Variants in NRXN3 observed in about 807,000 individuals in gnomAD.
The protein encoded by NRXN3 is neurexin III.
A neutral mutation model predicts 137.6 loss-of-function variants in NRXN3; 32 were observed. That is an observed-to-expected ratio of 0.23 (90% CI 0.18 to 0.31). The LOEUF (loss-of-function observed/expected upper bound fraction) is 0.31, where lower values mean the gene tolerates loss of function less well. NRXN3 is among the 10% of genes least tolerant of loss of function. NRXN3 has a pLI of 1.00. For synonymous variants in NRXN3, 798 were observed against 784.5 expected (o/e 1.02, Z -0.29); for missense variants, 1,574 against 2,062.5 (o/e 0.76, Z 4.59).
chr14:79,015,716 G>A (rs1270704637), intron 15 of NRXN3, among the ~76,000 whole-genome samples: 2 of 152,184 alleles, frequency 1.3e-5, no homozygotes, highest in Non-Finnish European at 2.9e-5. Flanking sequence ...GAAAGACCCT[G>A]TCTTCTACCC....
intron 8 of NRXN3, among the ~76,000 whole-genome samples, chr14:78,756,958 C>T (rs921888774): frequency 2.6e-5 from 4 of 152,214 alleles, no homozygotes; most frequent in African/African-American, 9.6e-5. Flanking sequence ...CTCTACTCAG[C>T]TGATGACTGT....
At chr14:79,273,193 A>T (rs1363856121) in intron 15 of NRXN3, among the ~76,000 whole-genome samples, 57 of 150,548 alleles carry the variant, frequency 3.8e-4, no homozygotes, top group African/African-American at 1.3e-3. Context: ...AAAAAAAAAA[A>T]AAAAAAATGG....
At chr14:78,649,070 T>C (rs984560339) in intron 5 of NRXN3, among the ~76,000 whole-genome samples, 2 of 152,196 alleles carry the variant, frequency 1.3e-5, no homozygotes, top group African/African-American at 4.8e-5. Context: ...GGTCTCATTG[T>C]CTTCCCCCCA....
chr14:79,038,647 T>C (rs1473509443), intron 15 of NRXN3, among the ~76,000 whole-genome samples: 1 of 152,168 alleles, frequency 6.6e-6, no homozygotes, highest in Non-Finnish European at 1.5e-5. Flanking sequence ...TTTTTCTTGT[T>C]GGGCATGAAT....
rs571232477 is a variant in NRXN3 at position 79,532,056 on chromosome 14, G to A, written c.3444+64654G>A. Among the ~76,000 whole-genome samples the A allele has an allele frequency of 1.1e-3, 171 of 152,244 alleles. 1 individual carries two copies. Among genetic ancestry groups the A allele is most frequent in the African/African-American group, 3.6e-3 (149 of 41,542 alleles). On this transcript the variant is annotated intron_variant, in intron 16 of 20. Coordinates refer to ENST00000335750, the MANE Select transcript of NRXN3 (RefSeq NM_001330195.2). ...AAAGTGTCATTTCTGGGCTGAGGCA[G>A]TTTATAGTCATTTGCACCTTTTCTA...
chr14:78,183,216 C>G lies in NRXN3; in HGVS notation c.-704+12542C>G, dbSNP rs534728610. 1.6e-4 allele frequency among the ~76,000 whole-genome samples: 24 copies of G among 152,270 alleles called. 1 individual carries two copies. The South Asian group carries it at 5.0e-3, about 32-fold the overall frequency. ...CCAGCCCTCTTCCTGGTCTGCTGGC[C>G]CTGGAAACCCTAGTAAATGACTTTT... On this transcript the variant is annotated intron_variant, in intron 1 of 20. Transcript: ENST00000335750.
intron 15 of NRXN3, among the ~76,000 whole-genome samples, chr14:79,390,458 A>G (rs1168745860): frequency 6.6e-6 from 1 of 152,128 alleles, no homozygotes; most frequent in East Asian, 1.9e-4. Context: ...AAGTTGAATC[A>G]TACTTTCCAA....
intron 15 of NRXN3, among the ~76,000 whole-genome samples, chr14:79,259,870 G>C (rs1161201319): frequency 6.6e-6 from 1 of 151,734 alleles, no homozygotes; most frequent in Admixed American, 6.6e-5. Context: ...GCATTACATG[G>C]GAAGGTTAGA....
chr14:79,226,707 C>A (rs962468081), intron 15 of NRXN3, among the ~76,000 whole-genome samples: 4 of 152,094 alleles, frequency 2.6e-5, no homozygotes, highest in African/African-American at 9.7e-5. Flanking sequence ...ATTTCAGCTC[C>A]ATTTAATGAC....
intron 15 of NRXN3, among the ~76,000 whole-genome samples, chr14:79,147,195 G>A (rs2059380257): frequency 6.6e-6 from 1 of 152,196 alleles, no homozygotes; most frequent in Non-Finnish European, 1.5e-5. Flanking sequence ...TGCAGTGACT[G>A]CTGTGTGCAG....
intron 16 of NRXN3, among the ~76,000 whole-genome samples, chr14:79,598,890 G>C (rs1009328637): frequency 6.6e-6 from 1 of 152,150 alleles, no homozygotes; most frequent in Non-Finnish European, 1.5e-5. Flanking sequence ...CTCAGACATG[G>C]GTTAGAAGAG....
intron 15 of NRXN3, among the ~76,000 whole-genome samples, chr14:79,178,551 T>A (rs2062593448): frequency 6.6e-6 from 1 of 152,206 alleles, no homozygotes; most frequent in Non-Finnish European, 1.5e-5. Flanking sequence ...TTATAGCTAT[T>A]GTTACTAATT....
intron 16 of NRXN3, among the ~76,000 whole-genome samples, chr14:79,475,720 C>T (rs1183853001): frequency 6.6e-6 from 1 of 152,080 alleles, no homozygotes; most frequent in African/African-American, 2.4e-5. Flanking sequence ...TCAACTAACT[C>T]ATTTTAACTC....
At chr14:78,992,344 T>G (rs1302027530) in intron 15 of NRXN3, among the ~76,000 whole-genome samples, 4 of 152,170 alleles carry the variant, frequency 2.6e-5, no homozygotes, top group African/African-American at 9.6e-5. Context: ...ATTCAGAGGG[T>G]GAGCACCACC....
At chr14:79,127,768 G>C (rs1432747885) in intron 15 of NRXN3, among the ~76,000 whole-genome samples, 1 of 152,172 alleles carries the variant, frequency 6.6e-6, no homozygotes, top group Non-Finnish European at 1.5e-5. Context: ...ACCTTGGGCA[G>C]TATGGCCATT....
At chr14:79,371,608 C>A in intron 15 of NRXN3, among the ~76,000 whole-genome samples, 1 of 152,082 alleles carries the variant, frequency 6.6e-6, no homozygotes, top group East Asian at 1.9e-4. Flanking sequence ...ATGGTTTTAT[C>A]AGGTTTGATA....
intron 15 of NRXN3, among the ~76,000 whole-genome samples, chr14:79,257,721 G>GA (rs1002157357): frequency 1.3e-5 from 2 of 150,970 alleles, no homozygotes; most frequent in Non-Finnish European, 2.9e-5. Flanking sequence ...AGACCAGAGG[G>GA]AAAAAAATGA....
intron 15 of NRXN3, among the ~76,000 whole-genome samples, chr14:79,243,802 G>C (rs1421474552): frequency 6.6e-6 from 1 of 151,988 alleles, no homozygotes; most frequent in Non-Finnish European, 1.5e-5. Context: ...AATCCTATGG[G>C]ACCATGATCA....
chr14:79,172,824 T>G (rs1285116795), intron 15 of NRXN3, among the ~76,000 whole-genome samples: 1 of 152,126 alleles, frequency 6.6e-6, no homozygotes, highest in Non-Finnish European at 1.5e-5. Flanking sequence ...AATTCTAATA[T>G]AAAACCATTG....
Sources: gnomAD v4.1 joint callset for allele counts (sites outside exome capture counted in the v4.1 genomes callset) on GRCh38, gnomAD v4.1.1 for gene constraint, MANE v1.5 for transcripts, NCBI Gene and HGNC (gene_info 2026-07-23, HGNC 2026-07-21) for gene names.